Variants in RBFOX1 observed in about 807,000 individuals in gnomAD.
RBFOX1 encodes the protein RNA binding protein fox-1 homolog 1.
In RBFOX1, 8 loss-of-function variants were observed where a neutral mutation model predicts 57.7. The ratio of observed to expected loss-of-function variants is 0.14; its 90% confidence interval spans 0.08 to 0.25. RBFOX1 has a LOEUF of 0.25. Among genes scored for constraint, RBFOX1 ranks in the 10% least tolerant of loss-of-function variants. The probability of loss-of-function intolerance (pLI) is 1.00; values close to 1 mark genes in which losing one functional copy is unlikely to be tolerated. For synonymous variants in RBFOX1, 326 were observed against 222.4 expected (o/e 1.47, Z -4.15); for missense variants, 611 against 548.5 (o/e 1.11, Z -1.14).
intron 5 of RBFOX1, among the ~76,000 whole-genome samples, chr16:7,536,796 TGA>T (rs897908580): frequency 5.9e-5 from 9 of 152,180 alleles, no homozygotes; most frequent in African/African-American, 2.2e-4. Context: ...ACCTCCAGGG[TGA>T]GAGTATTTAC....
chr16:7,392,221 T>C (rs74012539), intron 4 of RBFOX1, among the ~76,000 whole-genome samples: 2,412 of 152,300 alleles, frequency 0.016, 73 homozygotes, highest in African/African-American at 0.055. Flanking sequence ...CATGTCCCTT[T>C]TTCATGGAAG....
At chr16:7,401,904 G>C (rs1042539646) in intron 4 of RBFOX1, among the ~76,000 whole-genome samples, 1 of 152,122 alleles carries the variant, frequency 6.6e-6, no homozygotes, top group Non-Finnish European at 1.5e-5. Context: ...TTTATACCCA[G>C]GCTCATGTCA....
rs867949474 is a variant in RBFOX1, at chr16:7,155,724, T to A, written c.27+103626T>A. Reference sequence around the variant, plus strand: ...AAAAAAAAAAAAAAATATATATATATATATATATATATATACACACACACA... The same window carrying A: ...AAAAAAAAAAAAAAATATATATATAAATATATATATATATACACACACACA... On this transcript the variant is annotated intron_variant, in intron 4 of 15. Coordinates refer to ENST00000550418, the MANE Select transcript of RBFOX1 (RefSeq NM_018723.4). 3.6e-3 allele frequency among the ~76,000 whole-genome samples: 349 copies of A among 98,216 alleles called. 10 individuals are homozygous for A. The highest frequency in any genetic ancestry group is 8.6e-3 in the African/African-American group (171 of 19,890). 64.4% of individuals were successfully genotyped at this position (98,216 alleles called of 152,430 possible).
chr16:7,089,919 A>G (rs2060551394), intron 4 of RBFOX1, among the ~76,000 whole-genome samples: 1 of 151,770 alleles, frequency 6.6e-6, no homozygotes, highest in Non-Finnish European at 1.5e-5. Context: ...CATTCAAAAA[A>G]AAAATGGCAG....
chr16:5,472,648 C>T (rs187172854), intron 2 of RBFOX1, among the ~76,000 whole-genome samples: 1 of 152,262 alleles, frequency 6.6e-6, no homozygotes, highest in African/African-American at 2.4e-5. Flanking sequence ...TGGGTCTCAC[C>T]TCCTTTCATC....
chr16:5,447,473 C>G (rs1218613715), intron 1 of RBFOX1, among the ~76,000 whole-genome samples: 2 of 151,782 alleles, frequency 1.3e-5, no homozygotes, highest in African/African-American at 4.8e-5. Context: ...TCACTGCAGC[C>G]TTCACTTCAC....
At chr16:6,933,266 T>C (rs2076848140) in intron 3 of RBFOX1, among the ~76,000 whole-genome samples, 1 of 152,230 alleles carries the variant, frequency 6.6e-6, no homozygotes, top group South Asian at 2.1e-4. Flanking sequence ...GCAAGTGAAA[T>C]TGATGAATCA....
At chr16:7,171,429 T>G (rs1208717257) in intron 4 of RBFOX1, among the ~76,000 whole-genome samples, 1 of 152,340 alleles carries the variant, frequency 6.6e-6, no homozygotes, top group East Asian at 1.9e-4. Context: ...GTTTTGTATG[T>G]TCCCTGGTTG....
At chr16:5,933,090 A>T (rs773892609) in intron 4 of RBFOX1, among the ~76,000 whole-genome samples, 4 of 152,232 alleles carry the variant, frequency 2.6e-5, no homozygotes, top group Non-Finnish European at 5.9e-5. Flanking sequence ...CTGGAAACTC[A>T]CATCAGGAAA....
intron 4 of RBFOX1, among the ~76,000 whole-genome samples, chr16:7,332,000 A>G (rs1364263354): frequency 6.6e-6 from 1 of 152,170 alleles, no homozygotes; most frequent in African/African-American, 2.4e-5. Flanking sequence ...GAACAAGAAG[A>G]CATCTCTTGT....
chr16:7,009,680 A>G (rs1596868766), intron 3 of RBFOX1, among the ~76,000 whole-genome samples: 1 of 152,316 alleles, frequency 6.6e-6, no homozygotes, highest in South Asian at 2.1e-4. Context: ...TCCTAGAATT[A>G]TAGGGAAAAA....
chr16:7,447,376 TG>T (rs2098817021), intron 4 of RBFOX1, among the ~76,000 whole-genome samples: 1 of 141,092 alleles, frequency 7.1e-6, no homozygotes, highest in African/African-American at 2.7e-5. Flanking sequence ...GAGGTTGCAG[TG>T]AGCTGAGATC....
chr16:7,130,230 C>T (rs147579898), intron 4 of RBFOX1, among the ~76,000 whole-genome samples: 168 of 151,976 alleles, frequency 1.1e-3, no homozygotes, highest in African/African-American at 3.6e-3. Flanking sequence ...GGTGGAGTTT[C>T]GCCATATTTG....
intron 3 of RBFOX1, among the ~76,000 whole-genome samples, chr16:6,821,523 C>T (rs921971007): frequency 3.9e-5 from 6 of 152,132 alleles, no homozygotes; most frequent in African/African-American, 1.4e-4. Flanking sequence ...AAAAAGAAAT[C>T]CCATGCCTAT....
rs1313569674 is a variant in RBFOX1 at position 7,141,083 on chromosome 16, G to A, written c.27+88985G>A. On this transcript the variant is annotated intron_variant, in intron 4 of 15. Coordinates refer to ENST00000550418, the MANE Select transcript of RBFOX1 (RefSeq NM_018723.4). ...CCAGGGAACCTCCTGACGATGAGCT[G>A]GGGTGGTTTCTGAACCATGAGTCAT... Among the ~76,000 whole-genome samples, 3 of 152,124 alleles carry A rather than the reference G, an allele frequency of 2.0e-5. No homozygotes were observed. In the East Asian group the frequency reaches 5.8e-4, roughly 29 times the overall value.
chr16:7,520,246 C>G (rs1434047580), intron 5 of RBFOX1, among the ~76,000 whole-genome samples: 1 of 152,238 alleles, frequency 6.6e-6, no homozygotes, highest in South Asian at 2.1e-4. Context: ...GCCTTCCTCC[C>G]TTTTTAATTT....
chr16:5,631,512 G>A (rs1004160766), intron 3 of RBFOX1, among the ~76,000 whole-genome samples: 2 of 150,712 alleles, frequency 1.3e-5, no homozygotes, highest in African/African-American at 2.4e-5. Context: ...AGCCGAGATC[G>A]CACCACTGCA....
intron 4 of RBFOX1, among the ~76,000 whole-genome samples, chr16:7,247,491 G>C (rs1191831859): frequency 6.6e-6 from 1 of 152,152 alleles, no homozygotes; most frequent in Non-Finnish European, 1.5e-5. Flanking sequence ...GTAAATGTTA[G>C]CTAAAGTTGA....
intron 2 of RBFOX1, among the ~76,000 whole-genome samples, chr16:6,324,520 G>A (rs1309745656): frequency 6.6e-6 from 1 of 152,148 alleles, no homozygotes; most frequent in Non-Finnish European, 1.5e-5. Flanking sequence ...TACATGGCCA[G>A]AGCAGGAACA....
Sources: gnomAD v4.1 joint callset for allele counts (sites outside exome capture counted in the v4.1 genomes callset) on GRCh38, gnomAD v4.1.1 for gene constraint, MANE v1.5 for transcripts, NCBI Gene and HGNC (gene_info 2026-07-23, HGNC 2026-07-21) for gene names.